The following DNAJC15 variants were observed in gnomAD, a reference collection of about 807,000 sequenced individuals.
The protein encoded by DNAJC15 is DnaJ heat shock protein family (Hsp40) member C15, also known as dnaJ homolog subfamily C member 15.
In DNAJC15, 27 loss-of-function variants were observed where a neutral mutation model predicts 22.4. That is an observed-to-expected ratio of 1.20 (90% CI 0.89 to 1.66). The LOEUF is 1.66. Among genes scored for constraint, DNAJC15 ranks in the 40% most tolerant of loss-of-function variants. DNAJC15 has a pLI of 0.00. For missense variants in DNAJC15, 208 were observed against 187.1 expected (o/e 1.11, Z -0.65); for synonymous variants, 79 against 63.2 (o/e 1.25, Z -1.19).
At position 43,107,291 on chromosome 13, in the gene DNAJC15, G is replaced by GTAA. The variant is rs2040801950; in HGVS notation, c.*43_*44insTAA. ...GAAGGAAAAAAAAAGAGGGGACTTC[G>GTAA]AAAAAAAAAAAAGCCCTGCAAAATA... On this transcript the variant is annotated 3_prime_UTR_variant, in exon 6 of 6. Transcript: ENST00000379221. 15 of 1,142,560 alleles carry GTAA rather than the reference G, an allele frequency of 1.3e-5. No homozygotes were observed. In the Admixed American group the frequency reaches 5.2e-4, roughly 40 times the overall value. 70.8% of individuals were successfully genotyped at this position (1,142,560 alleles called of 1,614,324 possible).
chr13:43,107,127 A>G (rs778561659), intron 5 of DNAJC15, 51 bp from the exon 6 acceptor site: 25 of 1,449,630 alleles, frequency 1.7e-5, no homozygotes, highest in Non-Finnish European at 2.3e-5. Context: ...GGGACTTTAA[A>G]GTATGTCAAT....
Position 43,027,841 on chromosome 13 carries a change from G to C in DNAJC15, c.108+4107G>C, listed in dbSNP as rs1246465470. Among the ~76,000 whole-genome samples, 4 of 152,170 alleles carry C rather than the reference G, an allele frequency of 2.6e-5. No individual in the cohort carries two copies. The East Asian group carries it at 7.7e-4, about 29-fold the overall frequency. On this transcript the variant is annotated intron_variant, in intron 1 of 5. Transcript: ENST00000379221. ...CCAGCTAATTTTTGTATTTTCAGTA[G>C]AGATAGGGTTTCCCCATGTCAGCCA...
chr13:43,039,328 G>A (rs2040442802), intron 1 of DNAJC15, among the ~76,000 whole-genome samples: 1 of 152,090 alleles, frequency 6.6e-6, no homozygotes, highest in Non-Finnish European at 1.5e-5. Context: ...CAAAACATTC[G>A]TGGAAACTAT....
chr13:43,103,079 G>T (rs932349914), intron 5 of DNAJC15, among the ~76,000 whole-genome samples: 1 of 151,852 alleles, frequency 6.6e-6, no homozygotes, highest in Non-Finnish European at 1.5e-5. Context: ...TAGTTTTTTA[G>T]AGAACTAATC....
intron 1 of DNAJC15, among the ~76,000 whole-genome samples, chr13:43,029,506 T>C (rs2040395098): frequency 6.9e-6 from 1 of 145,344 alleles, no homozygotes; most frequent in South Asian, 2.3e-4. Flanking sequence ...TAAAATGCCA[T>C]AGGGAATTTG....
chr13:43,034,305 CTTTTTTT>C (rs753362468), intron 1 of DNAJC15, among the ~76,000 whole-genome samples: 5 of 60,618 alleles, frequency 8.2e-5, no homozygotes, highest in Non-Finnish European at 1.2e-4. Flanking sequence ...GAGATTTGTC[CTTTTTTT>C]TTTTTTTTTT....
chr13:43,102,097 T>G (rs1366839494), intron 5 of DNAJC15, among the ~76,000 whole-genome samples: 1 of 152,200 alleles, frequency 6.6e-6, no homozygotes, highest in Non-Finnish European at 1.5e-5. Context: ...TTTATAATTT[T>G]TTTTGATTTT....
At chr13:43,059,843 GTTTC>G (rs1480580787) in intron 1 of DNAJC15, among the ~76,000 whole-genome samples, 3 of 152,178 alleles carry the variant, frequency 2.0e-5, no homozygotes, top group Admixed American at 6.5e-5. Flanking sequence ...TAGGAGCAAT[GTTTC>G]GCGGGCATGG....
intron 1 of DNAJC15, among the ~76,000 whole-genome samples, chr13:43,059,520 A>T (rs9590737): frequency 1.3e-5 from 2 of 152,146 alleles, no homozygotes; most frequent in Admixed American, 6.6e-5. Flanking sequence ...GTGCGCCACC[A>T]TGCCTGGCTA....
chr13:43,103,600 A>G (rs1268406219), intron 5 of DNAJC15, among the ~76,000 whole-genome samples: 10 of 152,246 alleles, frequency 6.6e-5, no homozygotes, highest in Admixed American at 6.5e-4. Context: ...TGTGCAGTTT[A>G]AAAGAAGATA....
intron 5 of DNAJC15, among the ~76,000 whole-genome samples, chr13:43,102,635 T>A (rs939700393): frequency 2.6e-5 from 4 of 151,996 alleles, no homozygotes; most frequent in African/African-American, 9.7e-5. Context: ...AAATATATAT[T>A]TATTTTTTAT....
At chr13:43,070,829 G>A (rs530754018) in intron 3 of DNAJC15, among the ~76,000 whole-genome samples, 13 of 151,624 alleles carry the variant, frequency 8.6e-5, no homozygotes, top group African/African-American at 3.2e-4. Flanking sequence ...TTTGAGCATG[G>A]AGGCAATGTG....
Position 43,107,233 on chromosome 13 carries a change from A to C in DNAJC15, c.438A>C (p.Thr146=), listed in dbSNP as rs2040801256. The C allele has an allele frequency of 6.3e-7, 1 of 1,593,164 alleles. No individual in the cohort carries two copies. The change falls in exon 6 of 6, where the codon ACA becomes ACC. Residue 146 remains threonine, a synonymous_variant. Transcript: ENST00000379221. ...KINEAKDLLE[T]TTKH ...ATGAAGCAAAAGACTTGCTAGAAAC[A>C]ACCACCAAACATTGATGCTTAAGGA...
chr13:43,027,494 A>C (rs2040385746), intron 1 of DNAJC15, among the ~76,000 whole-genome samples: 1 of 152,240 alleles, frequency 6.6e-6, no homozygotes, highest in Non-Finnish European at 1.5e-5. Context: ...CTGATACGTG[A>C]AAACTAAAAC....
intron 5 of DNAJC15, among the ~76,000 whole-genome samples, chr13:43,094,400 G>T (rs1304923361): frequency 6.6e-6 from 1 of 152,158 alleles, no homozygotes; most frequent in African/African-American, 2.4e-5. Flanking sequence ...AGAAAACCTG[G>T]GGTTGGGGCC....
intron 5 of DNAJC15, among the ~76,000 whole-genome samples, chr13:43,106,937 C>T (rs2040799618): frequency 6.6e-6 from 1 of 151,776 alleles, no homozygotes; most frequent in Admixed American, 6.6e-5. Context: ...TCAAGTTATT[C>T]CTGATTATAA....
At chr13:43,031,461 G>A (rs1157218715) in intron 1 of DNAJC15, among the ~76,000 whole-genome samples, 1 of 152,188 alleles carries the variant, frequency 6.6e-6, no homozygotes, top group Non-Finnish European at 1.5e-5. Flanking sequence ...CCTAGACTGG[G>A]AACTCCTCAG....
chr13:43,060,828 G>C (rs2040555259), intron 1 of DNAJC15, among the ~76,000 whole-genome samples: 1 of 152,188 alleles, frequency 6.6e-6, no homozygotes. Context: ...ATGTCTGACA[G>C]AAGGGAAGAA....
At chr13:43,104,919 G>A (rs895013008) in intron 5 of DNAJC15, among the ~76,000 whole-genome samples, 3 of 151,666 alleles carry the variant, frequency 2.0e-5, no homozygotes, top group Admixed American at 1.3e-4. Context: ...AGACTCCTGG[G>A]CTCAAGTGAT....
Sources: gnomAD v4.1 joint callset for allele counts (sites outside exome capture counted in the v4.1 genomes callset) on GRCh38, gnomAD v4.1.1 for gene constraint, MANE v1.5 for transcripts, NCBI Gene and HGNC (gene_info 2026-07-23, HGNC 2026-07-21) for gene names.